The following DCDC1 variants were observed in gnomAD, a reference collection of about 807,000 sequenced individuals.
The protein encoded by DCDC1 is doublecortin domain-containing protein 1.
A neutral mutation model predicts 178.3 loss-of-function variants in DCDC1; 200 were observed. The observed-to-expected ratio is 1.12, with a 90% confidence interval of 1.00 to 1.26. DCDC1 has a LOEUF of 1.26. Ranked by LOEUF, DCDC1 falls within the 50% of genes most tolerant of loss-of-function variation. The pLI, the probability that DCDC1 is intolerant of heterozygous loss-of-function variation, is 0.00. For missense variants in DCDC1, 1,983 were observed against 1,749.2 expected (o/e 1.13, Z -2.38); for synonymous variants, 690 against 604.8 (o/e 1.14, Z -2.07).
intron 6 of DCDC1, among the ~76,000 whole-genome samples, chr11:31,298,116 C>T (rs373809363): frequency 5.3e-5 from 8 of 152,148 alleles, no homozygotes; most frequent in South Asian, 2.1e-4. Flanking sequence ...CAGTAACATC[C>T]GAGTTCCCCT....
At chr11:31,109,119 A>ATTT (rs36063214) in intron 12 of DCDC1, among the ~76,000 whole-genome samples, 1 of 139,218 alleles carries the variant, frequency 7.2e-6, no homozygotes. Flanking sequence ...TAATATCTTC[A>ATTT]TTTTTTTTTT....
At chr11:31,144,913 T>C (rs917749368) in intron 9 of DCDC1, among the ~76,000 whole-genome samples, 7 of 152,140 alleles carry the variant, frequency 4.6e-5, no homozygotes, top group Non-Finnish European at 8.8e-5. Flanking sequence ...ATTCATTTCA[T>C]TAATTCTATC....
intron 1 of DCDC1, among the ~76,000 whole-genome samples, chr11:31,351,807 T>C (rs1446916314): frequency 6.6e-6 from 1 of 152,202 alleles, no homozygotes; most frequent in East Asian, 1.9e-4. Flanking sequence ...AACCAGAAGT[T>C]GTTTAATGCT....
intron 6 of DCDC1, among the ~76,000 whole-genome samples, chr11:31,301,246 A>C (rs918293802): frequency 1.3e-5 from 2 of 152,202 alleles, no homozygotes; most frequent in Non-Finnish European, 2.9e-5. Flanking sequence ...AAAATGTACA[A>C]ACAATCTAAC....
chr11:31,055,312 A>G (rs1213024694), intron 20 of DCDC1, among the ~76,000 whole-genome samples: 1 of 152,230 alleles, frequency 6.6e-6, no homozygotes, highest in Non-Finnish European at 1.5e-5. Context: ...AAGAATGGCC[A>G]TAATAAAAAA....
intron 38 of DCDC1, among the ~76,000 whole-genome samples, chr11:30,873,101 G>GTCTC (rs552328701): frequency 4.1e-5 from 6 of 145,866 alleles, no homozygotes; most frequent in Admixed American, 2.8e-4. Flanking sequence ...GTCTCTCTCT[G>GTCTC]TCTCTCTCTC....
chr11:31,340,315 G>A (rs1302557397), intron 1 of DCDC1, among the ~76,000 whole-genome samples: 1 of 152,156 alleles, frequency 6.6e-6, no homozygotes, highest in Non-Finnish European at 1.5e-5. Flanking sequence ...AAATGACTGT[G>A]TGGAGTGTAT....
chr11:31,219,187 A>G (rs1189949930), intron 9 of DCDC1, among the ~76,000 whole-genome samples: 1 of 152,204 alleles, frequency 6.6e-6, no homozygotes, highest in Non-Finnish European at 1.5e-5. Flanking sequence ...AAAAAAAGTA[A>G]AAATTTTAGA....
chr11:31,142,242 G>C (rs1470526923), intron 9 of DCDC1, among the ~76,000 whole-genome samples: 1 of 152,172 alleles, frequency 6.6e-6, no homozygotes, highest in Non-Finnish European at 1.5e-5. Flanking sequence ...AAAATATTTG[G>C]TAAAAGAATT....
chr11:30,989,269 C>T (rs780943684), intron 20 of DCDC1, among the ~76,000 whole-genome samples: 23 of 152,120 alleles, frequency 1.5e-4, no homozygotes, highest in African/African-American at 3.4e-4. Flanking sequence ...AACAGAGAAA[C>T]GACTTTTGTA....
chr11:31,018,299 G>A (rs546537958), intron 20 of DCDC1, among the ~76,000 whole-genome samples: 87 of 152,302 alleles, frequency 5.7e-4, no homozygotes, highest in African/African-American at 2.0e-3. Context: ...AAAACGCTGG[G>A]ACTCATATTT....
intron 8 of DCDC1, among the ~76,000 whole-genome samples, chr11:31,247,496 G>A (rs1943648271): frequency 6.6e-6 from 1 of 151,752 alleles, no homozygotes. Context: ...AGAGTGAAGA[G>A]GTACTGTGTG....
intron 16 of DCDC1, among the ~76,000 whole-genome samples, chr11:31,093,673 T>C (rs1957952812): frequency 6.6e-6 from 1 of 152,220 alleles, no homozygotes; most frequent in Non-Finnish European, 1.5e-5. Flanking sequence ...TTGGTATATG[T>C]TGGTAATCTA....
At position 30,916,994 on chromosome 11, in the gene DCDC1, C is replaced by A. The variant is rs1235877473; in HGVS notation, c.3328G>T (p.Ala1110Ser). Residue 1110 changes from alanine (A) to serine (S), a missense_variant, in exon 26 of 39, where the codon GCT becomes TCT. Physicochemically the swap from Ala to Ser is moderately conservative, Grantham distance 99. Transcript: ENST00000684477. ...SHVRAHLRMK[A>S]CHTLPRYAWQ... ...GCATACCTGGGAAGTGTGTGACAAGCCTTCATTCGAAGATGAGCTCTTACG... is the reference window on the plus strand; with the variant it reads ...GCATACCTGGGAAGTGTGTGACAAGACTTCATTCGAAGATGAGCTCTTACG... 6.2e-7 allele frequency: 1 copy of A among 1,607,830 alleles called. No homozygotes were observed.
intron 17 of DCDC1, among the ~76,000 whole-genome samples, chr11:31,091,166 G>T (rs1289210583): frequency 6.6e-6 from 1 of 152,164 alleles, no homozygotes; most frequent in African/African-American, 2.4e-5. Context: ...ATAGATACAT[G>T]TTGAAGGCCA....
chr11:31,286,906 A>T (rs933625621), intron 7 of DCDC1, among the ~76,000 whole-genome samples: 1 of 152,088 alleles, frequency 6.6e-6, no homozygotes, highest in Non-Finnish European at 1.5e-5. Flanking sequence ...ATTGAAAGTG[A>T]AACTCTTAGC....
chr11:31,249,781 G>A (rs1380612191), intron 8 of DCDC1, among the ~76,000 whole-genome samples: 2 of 152,088 alleles, frequency 1.3e-5, no homozygotes, highest in East Asian at 3.9e-4. Flanking sequence ...TAAATGCTAA[G>A]GAACTCAATG....
At chr11:31,019,437 G>GA (rs922952643) in intron 20 of DCDC1, among the ~76,000 whole-genome samples, 5 of 150,764 alleles carry the variant, frequency 3.3e-5, no homozygotes, top group Admixed American at 2.6e-4. Flanking sequence ...TAAGTTCTAA[G>GA]AAAAAATCAA....
chr11:30,916,787 AC>A, intron 26 of DCDC1, 82 bp downstream of exon 26: 3 of 1,363,510 alleles, frequency 2.2e-6, no homozygotes, highest in Non-Finnish European at 2.9e-6. Context: ...AGCAGTGAAA[AC>A]TCTTGGGAAT....
Sources: allele counts gnomAD v4.1 joint callset (sites outside exome capture counted in the v4.1 genomes callset), GRCh38; gene constraint gnomAD v4.1.1; transcripts MANE v1.5; gene names NCBI Gene and HGNC (gene_info 2026-07-23, HGNC 2026-07-21).